The following CCDC170 variants were observed in gnomAD, a reference collection of about 807,000 sequenced individuals.
CCDC170 encodes coiled-coil domain containing 170, also known as coiled-coil domain-containing protein 170.
Under a neutral mutation model 72.6 loss-of-function variants are expected in CCDC170, and 69 were observed. The ratio of observed to expected loss-of-function variants is 0.95; its 90% CI spans 0.78 to 1.16. The LOEUF (loss-of-function observed/expected upper bound fraction) is 1.16, where lower values mean the gene tolerates loss of function less well. Ranked by LOEUF, CCDC170 falls within the 50% of genes most tolerant of loss-of-function variation. The pLI is 0.00. For synonymous variants in CCDC170, 300 were observed against 303.9 expected (o/e 0.99, Z 0.13); for missense variants, 852 against 832.5 (o/e 1.02, Z -0.29).
At chr6:151,516,747 A>G (rs1045807691) in intron 1 of CCDC170, among the ~76,000 whole-genome samples, 8 of 152,268 alleles carry the variant, frequency 5.3e-5, no homozygotes, top group Admixed American at 2.0e-4. Context: ...ACAGTGTCTG[A>G]TTTACGTAGG....
Position 151,568,301 on chromosome 6 carries a change from T to C in CCDC170, c.775-4873T>C, listed in dbSNP as rs532975872. Reference sequence around the variant, plus strand: ...CTGTCCAAGGAGGGTTTTGTCTGTATTAAAGTTTGAATCACAGAACTGAAT... The same window carrying C: ...CTGTCCAAGGAGGGTTTTGTCTGTACTAAAGTTTGAATCACAGAACTGAAT... On this transcript the variant is annotated intron_variant, in intron 5 of 10. Coordinates refer to ENST00000239374, the MANE Select transcript of CCDC170 (RefSeq NM_025059.4). 1.3e-5 allele frequency among the ~76,000 whole-genome samples: 2 copies of C among 152,216 alleles called. 1 individual carries two copies. The highest frequency in any genetic ancestry group is 4.1e-4 in the South Asian group (2 of 4,826).
chr6:151,573,293 G>GA lies in CCDC170; in HGVS notation c.896dup (p.Lys300GlufsTer5). ...CCTCAAAGCAGGAAGTGAGCCTCCT[G>GA]AAGAAAAGCTCTTCTGAGTTGGAGA... is the stretch of plus-strand genomic sequence containing the variant. On this transcript the variant is annotated frameshift_variant, in exon 6 of 11. Transcript: ENST00000239374. LOFTEE classifies it high-confidence loss of function. 6.2e-7 allele frequency: 1 copy of GA among 1,614,198 alleles called. No individual in the cohort carries two copies. The highest frequency in any genetic ancestry group is 8.5e-7 in the Non-Finnish European group (1 of 1,180,028).
chr6:151,530,236 T>G (rs1245717692), intron 1 of CCDC170, among the ~76,000 whole-genome samples: 1 of 152,012 alleles, frequency 6.6e-6, no homozygotes, highest in Non-Finnish European at 1.5e-5. Flanking sequence ...GTTTAATTTT[T>G]GGGTTTATTT....
intron 9 of CCDC170, among the ~76,000 whole-genome samples, chr6:151,598,251 A>T (rs1776653819): frequency 6.6e-6 from 1 of 152,160 alleles, no homozygotes; most frequent in Non-Finnish European, 1.5e-5. Flanking sequence ...GATTTGGAAT[A>T]GGGTGGAATA....
intron 9 of CCDC170, among the ~76,000 whole-genome samples, chr6:151,609,481 G>C (rs1310913876): frequency 6.6e-6 from 1 of 152,038 alleles, no homozygotes; most frequent in Non-Finnish European, 1.5e-5. Flanking sequence ...TAACATGAGA[G>C]AATTGTTCAC....
chr6:151,599,319 T>C (rs1776670046), intron 9 of CCDC170, among the ~76,000 whole-genome samples: 1 of 152,148 alleles, frequency 6.6e-6, no homozygotes. Context: ...AATCAAACAG[T>C]CTTCTGTCTT....
chr6:151,505,873 G>A (rs776403457), intron 1 of CCDC170, among the ~76,000 whole-genome samples: 51 of 152,148 alleles, frequency 3.4e-4, no homozygotes, highest in Non-Finnish European at 5.3e-4. Context: ...AAGGCAGGAG[G>A]ATCTCTTGAA....
chr6:151,593,144 A>T lies in CCDC170; in HGVS notation c.1331A>T (p.Lys444Met). 1 of 1,614,208 alleles carries T rather than the reference A, an allele frequency of 6.2e-7. No homozygotes were observed. The highest frequency in any genetic ancestry group is 8.5e-7 in the Non-Finnish European group (1 of 1,180,036). Residue 444 changes from lysine to methionine, a missense_variant, in exon 8 of 11, where the codon AAG (lysine) becomes ATG (methionine). Physicochemically the swap from Lys to Met is moderately conservative, Grantham distance 95 (BLOSUM62 -1). Coordinates refer to ENST00000239374, the MANE Select transcript of CCDC170 (RefSeq NM_025059.4). The stretch of plus-strand genomic sequence containing the variant: ...CTGGATCAGCTTTCTCAGAAAATGA[A>T]GTTGGACCAGATGGCTGCCGAACTT... ...KFLDQLSQKM[K>M]LDQMAAELGF...
At chr6:151,507,666 T>A (rs977067812) in intron 1 of CCDC170, among the ~76,000 whole-genome samples, 6 of 152,106 alleles carry the variant, frequency 3.9e-5, no homozygotes, top group African/African-American at 1.2e-4. Context: ...CTCATGCCTG[T>A]AATCCCAGCA....
At chr6:151,544,811 G>A in intron 4 of CCDC170, 95 bp downstream of exon 4, 1 of 1,260,354 alleles carries the variant, frequency 7.9e-7, no homozygotes, top group South Asian at 1.5e-5. Context: ...GGGGTGGCAG[G>A]AGAATGGCAC....
At chr6:151,532,636 A>T (rs1470834133) in intron 1 of CCDC170, among the ~76,000 whole-genome samples, 1 of 152,100 alleles carries the variant, frequency 6.6e-6, no homozygotes, top group Non-Finnish European at 1.5e-5. Context: ...AAAAAGAATA[A>T]GGCTTCTTGA....
chr6:151,513,613 C>CAAAAAA (rs71014591), intron 1 of CCDC170, among the ~76,000 whole-genome samples: 1 of 46,008 alleles, frequency 2.2e-5, no homozygotes, highest in Non-Finnish European at 3.7e-5. Context: ...GGCTCCGTCT[C>CAAAAAA]AAAAAAAAAA....
chr6:151,591,920 A>C (rs1332316345), intron 7 of CCDC170, among the ~76,000 whole-genome samples: 1 of 152,180 alleles, frequency 6.6e-6, no homozygotes, highest in African/African-American at 2.4e-5. Context: ...AGAGCCCAAG[A>C]AGAGTAAAGT....
chr6:151,514,454 A>G (rs1476105601), intron 1 of CCDC170, among the ~76,000 whole-genome samples: 1 of 151,070 alleles, frequency 6.6e-6, no homozygotes, highest in East Asian at 2.0e-4. Context: ...TGCCAGTTCC[A>G]ACTCTTGAAT....
chr6:151,599,544 G>T (rs973851117), intron 9 of CCDC170, among the ~76,000 whole-genome samples: 4 of 152,164 alleles, frequency 2.6e-5, no homozygotes, highest in African/African-American at 9.7e-5. Context: ...GTGGACAGGG[G>T]CTGGATCACA....
intron 5 of CCDC170, among the ~76,000 whole-genome samples, chr6:151,568,972 G>T (rs555620414): frequency 2.0e-5 from 3 of 152,142 alleles, no homozygotes; most frequent in African/African-American, 7.2e-5. Context: ...AAAGATAAGT[G>T]CATATTAAGT....
chr6:151,535,339 T>C (rs1475046755), intron 1 of CCDC170, among the ~76,000 whole-genome samples: 1 of 152,182 alleles, frequency 6.6e-6, no homozygotes, highest in East Asian at 1.9e-4. Context: ...CTGAGACCTG[T>C]TCCCTTCCAG....
At chr6:151,553,605 C>G (rs1015157570) in intron 5 of CCDC170, among the ~76,000 whole-genome samples, 1 of 152,064 alleles carries the variant, frequency 6.6e-6, no homozygotes. Context: ...ATAGCACATT[C>G]AAAAACCAGA....
intron 1 of CCDC170, among the ~76,000 whole-genome samples, chr6:151,511,477 A>G (rs979756959): frequency 3.9e-5 from 6 of 152,232 alleles, no homozygotes; most frequent in African/African-American, 9.6e-5. Context: ...CATTAAATGT[A>G]TATTCATTCA....
Sources: gnomAD v4.1 joint callset for allele counts (sites outside exome capture counted in the v4.1 genomes callset) on GRCh38, gnomAD v4.1.1 for gene constraint, MANE v1.5 for transcripts, NCBI Gene and HGNC (gene_info 2026-07-23, HGNC 2026-07-21) for gene names.